Variants in PARP4 observed in about 807,000 individuals in gnomAD.
PARP4 encodes protein mono-ADP-ribosyltransferase PARP4.
Under a neutral mutation model 187.7 loss-of-function variants are expected in PARP4, and 120 were observed. The observed-to-expected ratio is 0.64, with a 90% CI of 0.55 to 0.74. The LOEUF (loss-of-function observed/expected upper bound fraction) is 0.74, where lower values mean the gene tolerates loss of function less well. Ranked by LOEUF, PARP4 falls within the 30% of genes least tolerant of loss-of-function variation. The probability of loss-of-function intolerance (pLI) is 0.00; values close to 1 mark genes in which losing one functional copy is unlikely to be tolerated. For synonymous variants in PARP4, 654 were observed against 740.9 expected (o/e 0.88, Z 1.90); for missense variants, 1,836 against 2,070.5 (o/e 0.89, Z 2.20).
In PARP4 at chr13:24,426,462, C is replaced by T; in HGVS notation, c.4979+4G>A. On this transcript the variant is annotated splice_donor_region_variant and intron_variant, in intron 33 of 33. Coordinates refer to ENST00000381989, the MANE Select transcript of PARP4 (RefSeq NM_006437.4). ...AAGTTGCATAATACTATAGTTAAAG[C>T]CACCTGGAAATAGAAGCGTCATCCA... 1.2e-6 allele frequency: 2 copies of T among 1,604,846 alleles called. No homozygotes were observed. Among genetic ancestry groups the T allele is most frequent in the Non-Finnish European group, 1.7e-6 (2 of 1,175,040 alleles).
rs371543556 is a variant in PARP4, at chr13:24,435,270, C to G, written c.3871G>C (p.Glu1291Gln). 1.9e-6 allele frequency: 3 copies of G among 1,613,424 alleles called. No homozygotes were observed. The African/African-American group carries it at 4.0e-5, about 22-fold the overall frequency. Residue 1291 changes from glutamate (E) to glutamine (Q), a missense_variant, in exon 31 of 34, where the codon GAG becomes CAG. Transcript: ENST00000381989. ...VEKLLDLSWT[E>Q]SCKPTATEPL... The stretch of plus-strand genomic sequence containing the variant: ...TCAGTTGCTGTTGGTTTACATGACT[C>G]TGTCCAACTTAAATCCAATAGCTTT...
At chr13:24,462,507 T>G (rs866568619) in intron 17 of PARP4, among the ~76,000 whole-genome samples, 1 of 152,196 alleles carries the variant, frequency 6.6e-6, no homozygotes, top group Non-Finnish European at 1.5e-5. Context: ...ATGTCCAACA[T>G]TTAATCACAA....
At chr13:24,428,605 C>G (rs900665947) in intron 32 of PARP4, among the ~76,000 whole-genome samples, 25 of 152,172 alleles carry the variant, frequency 1.6e-4, no homozygotes, top group African/African-American at 5.5e-4. Context: ...CCTCAGCCTC[C>G]TAAGTAGCTG....
Position 24,457,770 on chromosome 13 carries a change from CAAAAAAAAAAA to C in PARP4, c.2424+1263_2424+1273del, listed in dbSNP as rs33930012. Among the ~76,000 whole-genome samples, 122 of 85,648 alleles carry C rather than the reference CAAAAAAAAAAA, an allele frequency of 1.4e-3. 3 individuals are homozygous for C. Among genetic ancestry groups the C allele is most frequent in the Non-Finnish European group, 5.5e-4 (25 of 45,140 alleles). The allele number at this position is 85,648 out of a possible 152,430, so 56.2% of individuals were successfully genotyped here. A position where few individuals can be genotyped will look rare whatever the true frequency, so the allele number is the denominator to read the frequency against. ...TGGGAAACAGAGTAAGACTCTGTCT[CAAAAAAAAAAA>C]AAAAAAAAAAAAAAAGAAAAAAGAA... is the stretch of plus-strand genomic sequence containing the variant. On this transcript the variant is annotated intron_variant, in intron 20 of 33. Coordinates refer to ENST00000381989, the MANE Select transcript of PARP4 (RefSeq NM_006437.4).
chr13:24,493,342 G>A (rs914647351), intron 8 of PARP4, among the ~76,000 whole-genome samples: 1 of 152,136 alleles, frequency 6.6e-6, no homozygotes, highest in Admixed American at 6.5e-5. Context: ...CCTCCTAATT[G>A]GCCAGCACCA....
chr13:24,424,527 T>G (rs1014706834), intron 33 of PARP4, among the ~76,000 whole-genome samples: 1 of 152,202 alleles, frequency 6.6e-6, no homozygotes, highest in Non-Finnish European at 1.5e-5. Context: ...TTATACATAT[T>G]AGTTTCTAAC....
intron 17 of PARP4, among the ~76,000 whole-genome samples, chr13:24,461,521 A>G (rs1307482046): frequency 1.3e-5 from 2 of 152,192 alleles, no homozygotes; most frequent in Non-Finnish European, 2.9e-5. Context: ...GATCTGTGTG[A>G]ACTCCTCCCG....
intron 1 of PARP4, among the ~76,000 whole-genome samples, chr13:24,510,864 G>C (rs1417000205): frequency 6.6e-6 from 1 of 152,164 alleles, no homozygotes; most frequent in East Asian, 1.9e-4. Context: ...TGTGGTCACT[G>C]TCACAGCTCA....
intron 17 of PARP4, among the ~76,000 whole-genome samples, chr13:24,466,084 A>C (rs1872453766): frequency 6.6e-6 from 1 of 152,240 alleles, no homozygotes; most frequent in African/African-American, 2.4e-5. Context: ...TGGCCACATA[A>C]AACATTTTAT....
intron 3 of PARP4, among the ~76,000 whole-genome samples, chr13:24,501,155 A>G (rs1358068100): frequency 6.6e-6 from 1 of 152,220 alleles, no homozygotes; most frequent in Non-Finnish European, 1.5e-5. Flanking sequence ...GATTTTTGAT[A>G]TGACTCAGGA....
intron 1 of PARP4, among the ~76,000 whole-genome samples, chr13:24,510,915 C>T (rs1869981043): frequency 1.3e-5 from 2 of 152,098 alleles, no homozygotes; most frequent in Admixed American, 6.6e-5. Flanking sequence ...TTTCACCCGG[C>T]CTACTTAGTA....
At chr13:24,454,631 T>C (rs3783079) in intron 22 of PARP4, among the ~76,000 whole-genome samples, 20,958 of 152,186 alleles carry the variant, frequency 0.14, 2,040 homozygotes, top group East Asian at 0.31. Context: ...AAGGGTTTTG[T>C]ATTTGGTTCA....
chr13:24,455,492 T>TC (rs1317484883), intron 21 of PARP4, among the ~76,000 whole-genome samples: 4 of 138,814 alleles, frequency 2.9e-5, no homozygotes, highest in Middle Eastern at 7.4e-3. Flanking sequence ...TATATATATA[T>TC]ATATATATAT....
chr13:24,439,662 C>T (rs1870816097), intron 30 of PARP4, among the ~76,000 whole-genome samples: 1 of 152,178 alleles, frequency 6.6e-6, no homozygotes, highest in African/African-American at 2.4e-5. Context: ...ATTTTCAGAG[C>T]TGCTTCTGGG....
In PARP4 at chr13:24,446,709, G is replaced by A; in HGVS notation, c.3338C>T (p.Thr1113Ile). The A allele has an allele frequency of 2.5e-6, 4 of 1,600,458 alleles. No individual in the cohort carries two copies. Among genetic ancestry groups the A allele is most frequent in the Non-Finnish European group, 3.4e-6 (4 of 1,167,554 alleles). ...QEKEFRTMVS[T>I]TELQKTTGTM... ...TCCAGTTGTCTTCTGAAGCTCAGTA[G>A]TCGACACCATTGTACGAAATTCTTT... The change falls in exon 27 of 34, where the codon ACT becomes ATT. Residue 1113 changes from threonine (T) to isoleucine (I), a missense_variant. This residue lies in a region of PARP4 where 56 missense variants were observed against 56.6 expected (regional missense o/e 0.99). Transcript: ENST00000381989.
intron 20 of PARP4, among the ~76,000 whole-genome samples, chr13:24,458,271 G>C (rs571678944): frequency 6.6e-6 from 1 of 152,122 alleles, no homozygotes; most frequent in East Asian, 1.9e-4. Flanking sequence ...CACCACACCC[G>C]GCTAATTTTT....
intron 15 of PARP4, among the ~76,000 whole-genome samples, chr13:24,470,371 G>C (rs766295955): frequency 3.4e-4 from 52 of 152,140 alleles, no homozygotes; most frequent in South Asian, 6.2e-4. Flanking sequence ...GTGCCATGTT[G>C]GCTGGAAATG....
chr13:24,490,850 A>AG (rs1868602909), intron 9 of PARP4, 22 bp from the exon 10 acceptor site: 1 of 1,594,214 alleles, frequency 6.3e-7, no homozygotes, highest in Non-Finnish European at 8.6e-7. Flanking sequence ...AATAATACAC[A>AG]GATGTCAGAA....
intron 24 of PARP4, chr13:24,452,098 T>C (rs568941262): frequency 1.2e-4 from 32 of 259,656 alleles, no homozygotes; most frequent in African/African-American, 6.4e-4. Context: ...TCAGTTCTGT[T>C]CTGAGTGCTT....
Sources: gnomAD v4.1 joint callset for allele counts (sites outside exome capture counted in the v4.1 genomes callset) on GRCh38, gnomAD v4.1.1 for gene constraint, gnomAD v4.1.1 regional missense constraint, MANE v1.5 for transcripts, NCBI Gene and HGNC (gene_info 2026-07-23, HGNC 2026-07-21) for gene names.